The following CRYBG3 variants were observed in gnomAD, a reference collection of about 807,000 sequenced individuals.
CRYBG3 encodes crystallin beta-gamma domain containing 3, also known as very large A-kinase anchor protein.
A neutral mutation model predicts 244.2 loss-of-function variants in CRYBG3; 127 were observed. The ratio of observed to expected loss-of-function variants is 0.52; its 90% CI spans 0.45 to 0.60. The LOEUF (loss-of-function observed/expected upper bound fraction) is 0.60, where lower values mean the gene tolerates loss of function less well. Among genes scored for constraint, CRYBG3 ranks in the 20% least tolerant of loss-of-function variants. The probability of loss-of-function intolerance (pLI) is 0.00; values close to 1 mark genes in which losing one functional copy is unlikely to be tolerated. For missense variants in CRYBG3, 3,325 were observed against 3,442.5 expected, an observed-to-expected ratio of 0.97 and a Z score of 0.85; for synonymous variants, 1,132 against 1,195.8, an observed-to-expected ratio of 0.95 and a Z score of 1.10.
intron 9 of CRYBG3, among the ~76,000 whole-genome samples, chr3:97,888,763 T>C (rs1471355037): frequency 1.3e-5 from 2 of 152,050 alleles, no homozygotes; most frequent in African/African-American, 4.8e-5. Flanking sequence ...CAACGTGGAG[T>C]AGCACTTGAA....
chr3:97,921,440 C>T (rs2039983821), intron 17 of CRYBG3, among the ~76,000 whole-genome samples: 1 of 149,200 alleles, frequency 6.7e-6, no homozygotes. Flanking sequence ...ATGTAATAAG[C>T]TGACTAAATA....
Position 97,876,901 on chromosome 3 carries a change from A to G in CRYBG3, c.5707A>G (p.Ser1903Gly). Residue 1903 changes from serine to glycine, a missense_variant, in exon 4 of 22, where the codon AGT (serine) becomes GGT (glycine). Around this residue, in one of 4 missense-constraint regions of CRYBG3, gnomAD observed 635 missense variants for 771.7 expected, o/e 0.82. Coordinates refer to ENST00000389622, the MANE Select transcript of CRYBG3 (RefSeq NM_153605.4). ...AACACCACAAGAGTATGCTGAAGGG[A>G]GTGTTGAAGAAACAAAGGAAGAGCC... ...SKTPQEYAEGSVEETKEEPTE... is the reference protein window; with the variant it reads ...SKTPQEYAEGGVEETKEEPTE... 1 of 1,442,260 alleles carries G rather than the reference A, an allele frequency of 6.9e-7. No individual in the cohort carries two copies. Among genetic ancestry groups the G allele is most frequent in the Admixed American group, 3.0e-5 (1 of 33,588 alleles). 89.3% of individuals were successfully genotyped at this position (1,442,260 alleles called of 1,614,324 possible). A position where few individuals can be genotyped will look rare whatever the true frequency, so the allele number is the denominator to read the frequency against.
At chr3:97,910,857 C>T (rs113170917) in intron 15 of CRYBG3, among the ~76,000 whole-genome samples, 1 of 152,130 alleles carries the variant, frequency 6.6e-6, no homozygotes. Context: ...GCTTTTTAGC[C>T]TCACATTTTA....
rs895064097 is a variant in CRYBG3 at position 97,900,317 on chromosome 3, C to G, written c.7972-136C>G. 5.1e-6 allele frequency: 3 copies of G among 587,848 alleles called. No homozygotes were observed. The African/African-American group carries it at 5.7e-5, about 11-fold the overall frequency. 36.4% of individuals were successfully genotyped at this position (587,848 alleles called of 1,614,324 possible). On this transcript the variant is annotated intron_variant, in intron 14 of 21. Coordinates refer to ENST00000389622, the MANE Select transcript of CRYBG3 (RefSeq NM_153605.4). ...GAGCTGAGACTGTGCCACTGTACCC[C>G]AGCCTGGATAACAGAGGAATACTCT...
chr3:97,873,688 A>G lies in CRYBG3; in HGVS notation c.2494A>G (p.Arg832Gly). The change falls in exon 4 of 22, where the codon AGA (arginine) becomes GGA (glycine). Residue 832 changes from arginine (R) to glycine (G), a missense_variant. Around this residue, in one of 4 missense-constraint regions of CRYBG3, gnomAD observed 1,526 missense variants for 1,443.2 expected, o/e 1.06. Transcript: ENST00000389622. Reference protein sequence around the residue: ...NNVLVESHSGRGKTISLSKVS... With the variant: ...NNVLVESHSGGGKTISLSKVS... ...TGTTCTTGTGGAGTCACATTCTGGA[A>G]GAGGAAAAACTATATCCTTGTCCAA... The G allele has an allele frequency of 1.4e-5, 21 of 1,535,910 alleles. No individual in the cohort carries two copies. The highest frequency in any genetic ancestry group is 1.8e-5 in the Non-Finnish European group (21 of 1,146,828).
rs553254343 is a variant in CRYBG3, at chr3:97,864,780, T to C, written c.647+133T>C. ...AGTGTCCCTACTACTGGGTAAGAAA[T>C]TGTATGATTCTCTGTACCATACAAG... On this transcript the variant is annotated intron_variant, in intron 3 of 21. Transcript: ENST00000389622. 4.2e-5 allele frequency: 27 copies of C among 642,396 alleles called. No individual in the cohort carries two copies. In the African/African-American group the frequency reaches 4.8e-4, roughly 11 times the overall value. The allele number at this position is 642,396 out of a possible 1,614,324, so 39.8% of individuals were successfully genotyped here.
At chr3:97,941,030 T>G in intron 19 of CRYBG3, 118 bp from the exon 20 acceptor site, 1 of 757,636 alleles carries the variant, frequency 1.3e-6, no homozygotes, top group Non-Finnish European at 2.1e-6. Context: ...GGAATAAGAG[T>G]GAAACTGATA....
intron 3 of CRYBG3, among the ~76,000 whole-genome samples, 173 bp from the exon 4 acceptor site, chr3:97,871,669 A>ATT (rs2039304015): frequency 6.6e-6 from 1 of 152,196 alleles, no homozygotes; most frequent in African/African-American, 2.4e-5. Flanking sequence ...TACTTGTTAA[A>ATT]TTTTTATTAT....
chr3:97,857,763 T>TA (rs1199537694), intron 2 of CRYBG3, among the ~76,000 whole-genome samples: 1 of 152,156 alleles, frequency 6.6e-6, no homozygotes, highest in African/African-American at 2.4e-5. Context: ...TCTGTTTTTT[T>TA]ATCCATTCGG....
chr3:97,900,974 T>C (rs757875203), intron 15 of CRYBG3, among the ~76,000 whole-genome samples: 5 of 152,228 alleles, frequency 3.3e-5, no homozygotes, highest in African/African-American at 4.8e-5. Context: ...GACAATACTT[T>C]GGAGCCCAAC....
At chr3:97,879,055 A>G (rs1367637282) in intron 4 of CRYBG3, among the ~76,000 whole-genome samples, 2 of 152,206 alleles carry the variant, frequency 1.3e-5, no homozygotes, top group Non-Finnish European at 2.9e-5. Flanking sequence ...TTGCAAAGCA[A>G]AGTCATTTTA....
intron 16 of CRYBG3, among the ~76,000 whole-genome samples, chr3:97,914,471 C>T (rs1407030584): frequency 6.6e-6 from 1 of 152,116 alleles, no homozygotes; most frequent in African/African-American, 2.4e-5. Flanking sequence ...ATGTAGGAAA[C>T]ATACAACAGC....
At chr3:97,936,732 G>A in intron 18 of CRYBG3, 53 bp from the exon 19 acceptor site, 10 of 1,585,504 alleles carry the variant, frequency 6.3e-6, no homozygotes, top group Non-Finnish European at 8.6e-6. Flanking sequence ...CTTTTGATGA[G>A]GGATTTTTTT....
Position 97,875,459 on chromosome 3 carries a change from C to T in CRYBG3, c.4265C>T (p.Ser1422Leu), listed in dbSNP as rs1036241073. 4 of 1,324,430 alleles carry T rather than the reference C, an allele frequency of 3.0e-6. No individual in the cohort carries two copies. The African/African-American group carries it at 4.6e-5, about 15-fold the overall frequency. The allele number at this position is 1,324,430 out of a possible 1,614,324, so 82.0% of individuals were successfully genotyped here. ...GLSDSINLQE[S>L]DTVLLAEDMS... ...TCTGATAGTATAAATTTGCAGGAATCAGATACGGTTTTACTAGCTGAAGAC... is the reference window on the plus strand; with the variant it reads ...TCTGATAGTATAAATTTGCAGGAATTAGATACGGTTTTACTAGCTGAAGAC... The change falls in exon 4 of 22, where the codon TCA (serine) becomes TTA (leucine). Residue 1422 changes from serine to leucine, a missense_variant. Ser to Leu is a moderately radical substitution (Grantham distance 145). Transcript: ENST00000389622.
chr3:97,872,089 G>T lies in CRYBG3; in HGVS notation c.895G>T (p.Gly299Cys). The T allele has an allele frequency of 1.3e-6, 2 of 1,535,932 alleles. No individual in the cohort carries two copies. The highest frequency in any genetic ancestry group is 2.4e-5 in the South Asian group (2 of 84,044). Residue 299 changes from glycine to cysteine, a missense_variant, in exon 4 of 22, where the codon GGC (glycine) becomes TGC (cysteine). Coordinates refer to ENST00000389622, the MANE Select transcript of CRYBG3 (RefSeq NM_153605.4). ...ATCTATGAAAGGAAATCTACTTGAA[G>T]GCCCATTAGAAGACTCTGATTGTAG... ...DSSMKGNLLE[G>C]PLEDSDCSKT... is the part of the protein sequence containing the mutation.
intron 17 of CRYBG3, among the ~76,000 whole-genome samples, chr3:97,920,665 G>T (rs868739707): frequency 6.6e-6 from 1 of 152,086 alleles, no homozygotes; most frequent in South Asian, 2.1e-4. Context: ...AAGTAGCTGG[G>T]ATTACAGGCA....
chr3:97,888,402 G>C lies in CRYBG3; in HGVS notation c.7351G>C (p.Gly2451Arg). 1 of 1,613,122 alleles carries C rather than the reference G, an allele frequency of 6.2e-7. No individual in the cohort carries two copies. The highest frequency in any genetic ancestry group is 8.5e-7 in the Non-Finnish European group (1 of 1,179,334). The change falls in exon 9 of 22, where the codon GGG becomes CGG. Residue 2451 changes from glycine to arginine, a missense_variant. Gly to Arg is a moderately radical substitution (Grantham distance 125). Around this residue, in one of 4 missense-constraint regions of CRYBG3, gnomAD observed 714 missense variants for 803.6 expected, o/e 0.89. Coordinates refer to ENST00000389622, the MANE Select transcript of CRYBG3 (RefSeq NM_153605.4). Reference sequence around the variant, plus strand: ...AGCTACAGTTCTGGAGGAAGACCATGGGCTCTTTGAGATTTCTACAGCAGA... The same window carrying C: ...AGCTACAGTTCTGGAGGAAGACCATCGGCTCTTTGAGATTTCTACAGCAGA... ...GQATVLEEDH[G>R]LFEISTAEMK...
At chr3:97,853,800 T>G (rs2039023873) in intron 2 of CRYBG3, among the ~76,000 whole-genome samples, 1 of 152,100 alleles carries the variant, frequency 6.6e-6, no homozygotes, top group Admixed American at 6.5e-5. Context: ...ATCACAATTG[T>G]GGTTTTGATT....
At chr3:97,895,822 T>C in intron 11 of CRYBG3, 137 bp from the exon 12 acceptor site, 3 of 710,840 alleles carry the variant, frequency 4.2e-6, no homozygotes, top group Non-Finnish European at 6.8e-6. Flanking sequence ...TCTATCTTTA[T>C]AAATGAAACA....
Sources: allele counts gnomAD v4.1 joint callset (sites outside exome capture counted in the v4.1 genomes callset), GRCh38; gene constraint gnomAD v4.1.1; regional missense constraint gnomAD v4.1.1; transcripts MANE v1.5; gene names NCBI Gene and HGNC (gene_info 2026-07-23, HGNC 2026-07-21).